GLG1: variants seen among roughly 807,000 people sequenced by gnomAD.
The protein encoded by GLG1 is golgi glycoprotein 1, also known as Golgi apparatus protein 1.
GLG1 carries 38 observed loss-of-function variants against 160.5 expected under a neutral mutation model. That is an observed-to-expected ratio of 0.24 (90% CI 0.18 to 0.31). The LOEUF is 0.31. Among genes scored for constraint, GLG1 ranks in the 10% least tolerant of loss-of-function variants. GLG1 has a pLI of 1.00. For missense variants in GLG1, 1,373 were observed against 1,505.2 expected, an observed-to-expected ratio of 0.91 and a Z score of 1.45; for synonymous variants, 644 against 543.4, an observed-to-expected ratio of 1.19 and a Z score of -2.57.
At chr16:74,516,157 G>A (rs1405965618) in intron 2 of GLG1, among the ~76,000 whole-genome samples, 2 of 151,526 alleles carry the variant, frequency 1.3e-5, no homozygotes, top group Non-Finnish European at 2.9e-5. Flanking sequence ...GAGACAGAAA[G>A]TTAAGAAGGA....
At chr16:74,574,823 G>A (rs560729363) in intron 1 of GLG1, among the ~76,000 whole-genome samples, 1 of 133,574 alleles carries the variant, frequency 7.5e-6, no homozygotes, top group African/African-American at 2.9e-5. Context: ...GGTGGAGGTT[G>A]CAGTGAGCCT....
intron 3 of GLG1, among the ~76,000 whole-genome samples, chr16:74,508,341 A>G (rs2016687738): frequency 6.6e-6 from 1 of 152,000 alleles, no homozygotes; most frequent in African/African-American, 2.4e-5. Flanking sequence ...TTAAAAAAAA[A>G]AGAAATTTAA....
At chr16:74,521,659 A>C (rs909504149) in intron 2 of GLG1, among the ~76,000 whole-genome samples, 1 of 152,194 alleles carries the variant, frequency 6.6e-6, no homozygotes, top group Non-Finnish European at 1.5e-5. Context: ...TAGACAAAGT[A>C]GAAATGTGGA....
intron 1 of GLG1, among the ~76,000 whole-genome samples, chr16:74,547,775 A>C (rs1487546361): frequency 6.6e-6 from 1 of 152,270 alleles, no homozygotes; most frequent in Admixed American, 6.5e-5. Context: ...CACAACGTTG[A>C]CATCTGTGAC....
chr16:74,588,907 G>C (rs1958110129), intron 1 of GLG1, among the ~76,000 whole-genome samples: 1 of 151,990 alleles, frequency 6.6e-6, no homozygotes, highest in Non-Finnish European at 1.5e-5. Flanking sequence ...ATAGGGAAAA[G>C]GTTGTTAGAC....
intron 1 of GLG1, among the ~76,000 whole-genome samples, chr16:74,590,143 G>A (rs999902924): frequency 9.9e-5 from 15 of 151,762 alleles, no homozygotes; most frequent in South Asian, 2.1e-4. Context: ...GACTACAGGC[G>A]CACGCCACCA....
At position 74,544,510 on chromosome 16, in the gene GLG1, T is replaced by G. The variant is rs565608337; in HGVS notation, c.439-12357A>C. ...TAATTTTGTTTTTTGTTGTTGTTTG[T>G]TTGGTTGGTTTTTTGAAATGGAGTC... On this transcript the variant is annotated intron_variant, in intron 1 of 25. Transcript: ENST00000422840. Among the ~76,000 whole-genome samples the G allele has an allele frequency of 3.7e-3, 561 of 152,220 alleles. 3 individuals are homozygous for G. The highest frequency in any genetic ancestry group is 6.0e-3 in the Non-Finnish European group (407 of 67,998).
chr16:74,457,891 G>A lies in GLG1; in HGVS notation c.3248C>T (p.Thr1083Ile). The change falls in exon 24 of 26, where the codon ACC (threonine) becomes ATC (isoleucine). Residue 1083 changes from threonine to isoleucine, a missense_variant. Thr to Ile is a moderately conservative substitution (Grantham distance 89). Transcript: ENST00000422840. ...AGACTTACGACGCCCGCGGCCAGGG[G>A]TGATGGCTGCGCAGTGGTGTTTAAT... ...LDIKHHCAAI[T>I]PGRGRQMSCL... The A allele has an allele frequency of 1.9e-6, 3 of 1,613,938 alleles. No homozygotes were observed. Among genetic ancestry groups the A allele is most frequent in the Non-Finnish European group, 2.5e-6 (3 of 1,179,854 alleles).
intron 22 of GLG1, among the ~76,000 whole-genome samples, chr16:74,460,962 A>T (rs537201264): frequency 6.6e-6 from 1 of 152,348 alleles, no homozygotes; most frequent in Non-Finnish European, 1.5e-5. Flanking sequence ...GCACACATAC[A>T]CAGGAGTTGA....
At chr16:74,477,361 T>C (rs767402773) in intron 12 of GLG1, 35 bp downstream of exon 12, 8 of 1,529,342 alleles carry the variant, frequency 5.2e-6, no homozygotes, top group Non-Finnish European at 7.3e-6. Context: ...AACATCATCA[T>C]TATTGTAAGA....
intron 18 of GLG1, among the ~76,000 whole-genome samples, 168 bp from the exon 19 acceptor site, chr16:74,465,981 A>G (rs1324298331): frequency 6.6e-6 from 1 of 152,158 alleles, no homozygotes; most frequent in East Asian, 1.9e-4. Flanking sequence ...TTACAACCTT[A>G]CAGCTGACAG....
chr16:74,605,680 C>G (rs921006682), intron 1 of GLG1, among the ~76,000 whole-genome samples: 2 of 151,990 alleles, frequency 1.3e-5, no homozygotes, highest in African/African-American at 4.8e-5. Flanking sequence ...CCAAGAGAAG[C>G]AAATTTCTAC....
Position 74,593,877 on chromosome 16 carries a change from G to T in GLG1, c.438+12780C>A, listed in dbSNP as rs1958242007. On this transcript the variant is annotated intron_variant, in intron 1 of 25. Transcript: ENST00000422840. ...TCACTTCATTGTTTATCATTCTTAT[G>T]ATTTTAAATAAGTATAACATTTTTA... is the stretch of plus-strand genomic sequence containing the variant. 2.6e-5 allele frequency among the ~76,000 whole-genome samples: 4 copies of T among 152,020 alleles called. No individual in the cohort carries two copies. In the South Asian group the frequency reaches 8.3e-4, roughly 32 times the overall value.
chr16:74,552,261 C>T, intron 1 of GLG1: 4 of 565,398 alleles, frequency 7.1e-6, no homozygotes, highest in Non-Finnish European at 1.4e-5. Context: ...ATGCTGATGC[C>T]TAAGAAGAAC....
intron 13 of GLG1, 49 bp downstream of exon 13, chr16:74,474,497 G>C (rs1276054638): frequency 1.1e-6 from 1 of 884,174 alleles, no homozygotes; most frequent in Non-Finnish European, 2.0e-6. Flanking sequence ...CAAAAGGCCA[G>C]GATGCTGGCA....
At chr16:74,505,959 G>C (rs1187822695) in intron 3 of GLG1, among the ~76,000 whole-genome samples, 2 of 149,370 alleles carry the variant, frequency 1.3e-5, no homozygotes, top group African/African-American at 2.5e-5. Flanking sequence ...GAACCCAGGA[G>C]GTGGAGGTTG....
intron 3 of GLG1, among the ~76,000 whole-genome samples, chr16:74,508,329 C>T (rs1351125510): frequency 2.0e-5 from 3 of 149,596 alleles, no homozygotes; most frequent in Admixed American, 6.7e-5. Flanking sequence ...AAAAAAAAAC[C>T]GTTAAAAAAA....
chr16:74,479,813 GT>G (rs2015532697), intron 11 of GLG1, among the ~76,000 whole-genome samples: 2 of 152,162 alleles, frequency 1.3e-5, no homozygotes, highest in African/African-American at 4.8e-5. Context: ...AGAGACTGAG[GT>G]ATGGAGGTTT....
chr16:74,589,130 C>T (rs1045105711), intron 1 of GLG1, among the ~76,000 whole-genome samples: 17 of 151,782 alleles, frequency 1.1e-4, no homozygotes, highest in African/African-American at 3.9e-4. Flanking sequence ...TGGCGTGCAC[C>T]TGTAATCCCA....
Sources: gnomAD v4.1 joint callset for allele counts (sites outside exome capture counted in the v4.1 genomes callset) on GRCh38, gnomAD v4.1.1 for gene constraint, MANE v1.5 for transcripts, NCBI Gene and HGNC (gene_info 2026-07-23, HGNC 2026-07-21) for gene names.